The following AP2B1 variants were observed in gnomAD, a reference collection of about 807,000 sequenced individuals.
AP2B1 encodes the protein adaptor related protein complex 2 subunit beta 1.
Under a neutral mutation model 102.0 loss-of-function variants are expected in AP2B1, and 23 were observed. The observed-to-expected ratio is 0.23, with a 90% confidence interval of 0.16 to 0.32. The LOEUF is 0.32. AP2B1 is among the 10% of genes least tolerant of loss of function. The pLI is 1.00. For synonymous variants in AP2B1, 381 were observed against 421.2 expected, an observed-to-expected ratio of 0.90 and a Z score of 1.17; for missense variants, 541 against 1,157.4, an observed-to-expected ratio of 0.47 and a Z score of 7.73.
intron 5 of AP2B1, among the ~76,000 whole-genome samples, chr17:35,614,077 A>G (rs1427000384): frequency 1.3e-5 from 2 of 152,156 alleles, no homozygotes; most frequent in Non-Finnish European, 2.9e-5. Context: ...TTGCTCTCAG[A>G]GGCATTTAGG....
chr17:35,641,533 G>A (rs989177830), intron 11 of AP2B1, among the ~76,000 whole-genome samples: 1 of 152,134 alleles, frequency 6.6e-6, no homozygotes, highest in Non-Finnish European at 1.5e-5. Flanking sequence ...AGCTATGGAT[G>A]TGCAGCCTGG....
chr17:35,651,040 C>T (rs896086169), intron 13 of AP2B1: 100 of 398,988 alleles, frequency 2.5e-4, no homozygotes, highest in Admixed American at 1.5e-3. Flanking sequence ...TCTAGGAGTA[C>T]ATTATGGCTT....
At chr17:35,665,845 A>T (rs1258800033) in intron 14 of AP2B1, among the ~76,000 whole-genome samples, 4 of 152,208 alleles carry the variant, frequency 2.6e-5, no homozygotes, top group Non-Finnish European at 5.9e-5. Flanking sequence ...AAGCAAACAG[A>T]TGTACTTTGG....
At chr17:35,678,582 G>A (rs35515868) in intron 17 of AP2B1, among the ~76,000 whole-genome samples, 11,112 of 152,174 alleles carry the variant, frequency 0.073, 467 homozygotes, top group Middle Eastern at 0.11. Context: ...ATTAAATTTT[G>A]CCAGATGCCT....
At chr17:35,678,658 T>A (rs1224449652) in intron 17 of AP2B1, among the ~76,000 whole-genome samples, 3 of 152,222 alleles carry the variant, frequency 2.0e-5, no homozygotes, top group Non-Finnish European at 4.4e-5. Context: ...ATTACATCAG[T>A]TGACTTTTCA....
rs1426981906 is a variant in AP2B1 at position 35,607,106 on chromosome 17, T to C, written c.280-1036T>C. 2.6e-5 allele frequency among the ~76,000 whole-genome samples: 4 copies of C among 152,270 alleles called. No individual in the cohort carries two copies. The East Asian group carries it at 5.8e-4, about 22-fold the overall frequency. ...ATTTAGTAGAGATGGGGTTTCACCA[T>C]ATTGGCCAGGCTGGTCTCGAACTCC... On this transcript the variant is annotated intron_variant, in intron 4 of 21. Coordinates refer to ENST00000610402, the MANE Select transcript of AP2B1 (RefSeq NM_001030006.2).
intron 5 of AP2B1, among the ~76,000 whole-genome samples, chr17:35,623,228 A>C (rs1450915658): frequency 6.6e-6 from 1 of 152,076 alleles, no homozygotes; most frequent in Non-Finnish European, 1.5e-5. Flanking sequence ...ATGGATTCCC[A>C]GATCTGTGAG....
chr17:35,715,743 T>TAG (rs1881783205), intron 20 of AP2B1, among the ~76,000 whole-genome samples: 1 of 152,230 alleles, frequency 6.6e-6, no homozygotes, highest in Non-Finnish European at 1.5e-5. Flanking sequence ...TGCATAGATG[T>TAG]ACCCTGAGAT....
chr17:35,602,751 T>C (rs1170743036), intron 3 of AP2B1, among the ~76,000 whole-genome samples: 1 of 152,254 alleles, frequency 6.6e-6, no homozygotes, highest in Non-Finnish European at 1.5e-5. Context: ...ATGTGACTAG[T>C]GGCCACCATA....
intron 1 of AP2B1, among the ~76,000 whole-genome samples, chr17:35,592,025 T>C (rs2073116106): frequency 6.6e-6 from 1 of 152,214 alleles, no homozygotes; most frequent in Non-Finnish European, 1.5e-5. Context: ...GTTGGAAAGA[T>C]AGCAAATGAG....
intron 18 of AP2B1, among the ~76,000 whole-genome samples, chr17:35,696,928 C>G (rs112001381): frequency 0.01 from 1,532 of 152,308 alleles, 20 homozygotes; most frequent in African/African-American, 0.035. Flanking sequence ...ACAGTAGGTG[C>G]TAGATAAATA....
At chr17:35,703,615 T>G (rs2076282672) in intron 18 of AP2B1, among the ~76,000 whole-genome samples, 1 of 152,080 alleles carries the variant, frequency 6.6e-6, no homozygotes, top group Admixed American at 6.5e-5. Context: ...GACTTGTAAG[T>G]GGGAGCTAAA....
At chr17:35,630,114 A>G (rs1253527265) in intron 9 of AP2B1, among the ~76,000 whole-genome samples, 1 of 152,230 alleles carries the variant, frequency 6.6e-6, no homozygotes, top group South Asian at 2.1e-4. Context: ...TGTGTGTCAG[A>G]GAATCTTCTA....
chr17:35,649,565 C>T (rs544497588), intron 12 of AP2B1, among the ~76,000 whole-genome samples: 10 of 152,148 alleles, frequency 6.6e-5, no homozygotes, highest in East Asian at 3.9e-4. Flanking sequence ...CCACCGCGCC[C>T]GGCCCTAGTT....
Position 35,725,630 on chromosome 17 carries a change from G to T in AP2B1, c.*1931G>T, listed in dbSNP as rs1555595085. The T allele has an allele frequency of 1.3e-5, 2 of 152,576 alleles. No individual in the cohort carries two copies. The highest frequency in any genetic ancestry group is 2.1e-4 in the South Asian group (1 of 4,828). The allele number at this position is 152,576 out of a possible 1,614,324, so 9.5% of individuals were successfully genotyped here. On this transcript the variant is annotated 3_prime_UTR_variant, in exon 22 of 22. Coordinates refer to ENST00000610402, the MANE Select transcript of AP2B1 (RefSeq NM_001030006.2). Reference sequence around the variant, plus strand: ...CAGCATAGGATTGTATGTGGGAGGTGGATAGGTCGGTGATGTGTGGAGCGG... The same window carrying T: ...CAGCATAGGATTGTATGTGGGAGGTTGATAGGTCGGTGATGTGTGGAGCGG...
At chr17:35,671,034 G>T (rs1365309145) in intron 15 of AP2B1, 136 bp downstream of exon 15, 2 of 806,334 alleles carry the variant, frequency 2.5e-6, no homozygotes, top group Non-Finnish European at 4.1e-6. Context: ...TATATGGGTA[G>T]TAGAAAGTAG....
At chr17:35,715,345 A>G (rs587696897) in intron 20 of AP2B1, among the ~76,000 whole-genome samples, 7 of 152,364 alleles carry the variant, frequency 4.6e-5, no homozygotes, top group South Asian at 2.1e-4. Context: ...CATCTCTTAC[A>G]TAGGTGGTGA....
intron 3 of AP2B1, among the ~76,000 whole-genome samples, chr17:35,604,388 C>T (rs866979548): frequency 2.0e-4 from 31 of 151,958 alleles, no homozygotes; most frequent in African/African-American, 4.1e-4. Flanking sequence ...GGATTACAGA[C>T]GTGAGCCACT....
chr17:35,637,945 C>G (rs895717859), intron 10 of AP2B1, among the ~76,000 whole-genome samples: 1 of 152,108 alleles, frequency 6.6e-6, no homozygotes, highest in Non-Finnish European at 1.5e-5. Context: ...CTCGCCCTCC[C>G]AAAGTGCTAG....
Sources: allele counts gnomAD v4.1 joint callset (sites outside exome capture counted in the v4.1 genomes callset), GRCh38; gene constraint gnomAD v4.1.1; transcripts MANE v1.5; gene names NCBI Gene and HGNC (gene_info 2026-07-23, HGNC 2026-07-21).